Variants in GRM1 observed in about 807,000 individuals in gnomAD.
GRM1 encodes metabotropic glutamate receptor 1.
GRM1 carries 33 observed loss-of-function variants against 90.9 expected under a neutral mutation model. The observed-to-expected ratio is 0.36, with a 90% confidence interval of 0.28 to 0.49. GRM1 has a LOEUF of 0.49. Among genes scored for constraint, GRM1 ranks in the 20% least tolerant of loss-of-function variants. GRM1 has a pLI of 0.99. For missense variants in GRM1, 1,190 were observed against 1,534.3 expected, an observed-to-expected ratio of 0.78 and a Z score of 3.75; for synonymous variants, 700 against 613.2, an observed-to-expected ratio of 1.14 and a Z score of -2.09.
chr6:146,190,362 T>A (rs558271743), intron 2 of GRM1, among the ~76,000 whole-genome samples: 1 of 152,246 alleles, frequency 6.6e-6, no homozygotes, highest in East Asian at 1.9e-4. Flanking sequence ...CTAGTAAACA[T>A]CCTGGGAGTG....
At chr6:146,314,192 G>A (rs1783878674) in intron 3 of GRM1, among the ~76,000 whole-genome samples, 1 of 146,692 alleles carries the variant, frequency 6.8e-6, no homozygotes, top group Admixed American at 7.0e-5. Context: ...TCAATCTCAC[G>A]AGTAGCTGAG....
chr6:146,159,641 T>TCTCACA (rs372590505), intron 2 of GRM1, 44 bp downstream of exon 2: 17 of 728,764 alleles, frequency 2.3e-5, no homozygotes, highest in African/African-American at 2.2e-4. Context: ...TCTCTCTCTC[T>TCTCACA]CACACACACA....
rs906290676 is a variant in GRM1, at chr6:146,292,728, A to G, written c.951-11883A>G. Among the ~76,000 whole-genome samples the G allele has an allele frequency of 7.2e-5, 11 of 152,012 alleles. 1 individual carries two copies. The highest frequency in any genetic ancestry group is 1.0e-4 in the Non-Finnish European group (7 of 67,850). On this transcript the variant is annotated intron_variant, in intron 2 of 7. Coordinates refer to ENST00000282753, the MANE Select transcript of GRM1 (RefSeq NM_001278064.2). ...TTTGGTAGTTCCAAAAAAGCTAAAC[A>G]TAGAATTACCATATGACCCAGCATT... is the stretch of plus-strand genomic sequence containing the variant.
intron 1 of GRM1, among the ~76,000 whole-genome samples, chr6:146,106,923 G>T (rs1338387272): frequency 6.6e-6 from 1 of 152,180 alleles, no homozygotes; most frequent in Non-Finnish European, 1.5e-5. Context: ...AATGATAAGT[G>T]CTTTTTACTT....
chr6:146,367,768 A>T (rs1775746989), intron 5 of GRM1, among the ~76,000 whole-genome samples: 1 of 152,116 alleles, frequency 6.6e-6, no homozygotes, highest in Non-Finnish European at 1.5e-5. Flanking sequence ...ATGGCTGTGT[A>T]GTATTTTACA....
chr6:146,341,083 G>C (rs796152404), intron 3 of GRM1, among the ~76,000 whole-genome samples: 9 of 152,278 alleles, frequency 5.9e-5, no homozygotes, highest in African/African-American at 2.2e-4. Context: ...CCAGAACCAG[G>C]ACTGCCCTCA....
chr6:146,130,654 T>C (rs1156534770), intron 1 of GRM1, among the ~76,000 whole-genome samples: 1 of 152,176 alleles, frequency 6.6e-6, no homozygotes, highest in Non-Finnish European at 1.5e-5. Context: ...GAGAATCTTA[T>C]TATTTTTGTA....
chr6:146,426,700 G>A, intron 7 of GRM1: 1 of 827,572 alleles, frequency 1.2e-6, no homozygotes, highest in Non-Finnish European at 2.1e-6. Context: ...TCTCTCCTGG[G>A]TTTTTCCACT....
intron 2 of GRM1, among the ~76,000 whole-genome samples, chr6:146,176,813 G>A (rs1218581847): frequency 1.3e-5 from 2 of 151,914 alleles, no homozygotes; most frequent in Admixed American, 1.3e-4. Flanking sequence ...ATTACTCATA[G>A]AATAATTTTT....
intron 2 of GRM1, among the ~76,000 whole-genome samples, chr6:146,277,960 A>G (rs1279563417): frequency 6.6e-6 from 1 of 152,198 alleles, no homozygotes; most frequent in Non-Finnish European, 1.5e-5. Flanking sequence ...TTTAAATTAC[A>G]TTAAGAGAAA....
chr6:146,342,970 C>CTT (rs555298710), intron 3 of GRM1, among the ~76,000 whole-genome samples: 1 of 148,962 alleles, frequency 6.7e-6, no homozygotes, highest in African/African-American at 2.5e-5. Context: ...CAGATTTCAT[C>CTT]TTTTTTTTTT....
Position 146,357,698 on chromosome 6 carries a change from A to G in GRM1, c.1602+4A>G. On this transcript the variant is annotated splice_donor_region_variant and intron_variant, in intron 5 of 7. Transcript: ENST00000282753. The stretch of plus-strand genomic sequence containing the variant: ...TTGCTTAAAGGGCCAGATTAAGGTA[A>G]GCCACAAATGCATTCTTGCATGGTA... 1 of 1,612,226 alleles carries G rather than the reference A, an allele frequency of 6.2e-7. No individual in the cohort carries two copies. The highest frequency in any genetic ancestry group is 8.5e-7 in the Non-Finnish European group (1 of 1,178,306).
At chr6:146,244,869 A>T (rs1371934271) in intron 2 of GRM1, among the ~76,000 whole-genome samples, 1 of 152,196 alleles carries the variant, frequency 6.6e-6, no homozygotes, top group Non-Finnish European at 1.5e-5. Context: ...ATCGTTCTGT[A>T]CTGTGGCCAT....
At chr6:146,364,776 A>AT (rs11389715) in intron 5 of GRM1, among the ~76,000 whole-genome samples, 37,711 of 141,674 alleles carry the variant, frequency 0.27, 6,287 homozygotes, top group African/African-American at 0.49. Context: ...CTCTTCTTCT[A>AT]TTTTTTTTTT....
intron 1 of GRM1, among the ~76,000 whole-genome samples, chr6:146,119,888 T>G (rs1401076736): frequency 2.6e-5 from 4 of 152,208 alleles, no homozygotes; most frequent in Non-Finnish European, 5.9e-5. Flanking sequence ...GCCTCCAGCT[T>G]TGTTCTTTTG....
intron 2 of GRM1, among the ~76,000 whole-genome samples, chr6:146,216,836 C>A (rs1779889004): frequency 6.6e-6 from 1 of 152,182 alleles, no homozygotes; most frequent in African/African-American, 2.4e-5. Flanking sequence ...CTAAGCACCA[C>A]CTGCTGGAGG....
intron 2 of GRM1, among the ~76,000 whole-genome samples, chr6:146,229,211 C>T (rs1348607137): frequency 5.9e-5 from 9 of 151,520 alleles, no homozygotes; most frequent in South Asian, 2.1e-4. Flanking sequence ...ATTGAACTCC[C>T]GACCTCAGGT....
chr6:146,326,631 A>C (rs770375557), intron 3 of GRM1, among the ~76,000 whole-genome samples: 3 of 152,210 alleles, frequency 2.0e-5, no homozygotes, highest in African/African-American at 7.2e-5. Flanking sequence ...AATAATAGTA[A>C]AATTAATAAG....
Position 146,399,126 on chromosome 6 carries a change from G to T in GRM1, c.2087G>T (p.Arg696Leu). The change falls in exon 7 of 8, where the codon CGG becomes CTG. Residue 696 changes from arginine to leucine, a missense_variant. This residue lies in a region of GRM1 where 414 missense variants were observed against 598.4 expected (regional missense o/e 0.69). Coordinates refer to ENST00000282753, the MANE Select transcript of GRM1 (RefSeq NM_001278064.2). This position sits in a 1 kb window ranked among gnomAD's most constrained non-coding sequence, Gnocchi z 5.4. ...LAGSKKKICTRKPRFMSAWAQ... is the reference protein window; with the variant it reads ...LAGSKKKICTLKPRFMSAWAQ... The stretch of plus-strand genomic sequence containing the variant: ...GGCAGCAAGAAGAAGATCTGCACCC[G>T]GAAGCCCAGGTTCATGAGTGCCTGG... 6.2e-7 allele frequency: 1 copy of T among 1,614,026 alleles called. No homozygotes were observed. Among genetic ancestry groups the T allele is most frequent in the Non-Finnish European group, 8.5e-7 (1 of 1,179,996 alleles).
Sources: allele counts gnomAD v4.1 joint callset (sites outside exome capture counted in the v4.1 genomes callset), GRCh38; gene constraint gnomAD v4.1.1; regional missense constraint gnomAD v4.1.1; non-coding constraint Gnocchi (gnomAD v3.1); transcripts MANE v1.5; gene names NCBI Gene and HGNC (gene_info 2026-07-23, HGNC 2026-07-21).